The following RYR2 variants were observed in gnomAD, a reference collection of about 807,000 sequenced individuals.
RYR2 encodes the protein ryanodine receptor 2.
RYR2 carries 227 observed loss-of-function variants against 601.1 expected under a neutral mutation model. That is an observed-to-expected ratio of 0.38 (90% CI 0.34 to 0.42). The LOEUF (loss-of-function observed/expected upper bound fraction) is 0.42, where lower values mean the gene tolerates loss of function less well. Ranked by LOEUF, RYR2 falls within the 10% of genes least tolerant of loss-of-function variation. RYR2 has a pLI of 1.00. For synonymous variants in RYR2, 2,223 were observed against 2,175.1 expected (o/e 1.02, Z -0.61); for missense variants, 4,646 against 6,156.5 (o/e 0.75, Z 8.21).
At chr1:237,138,459 C>T (rs925898698) in intron 1 of RYR2, among the ~76,000 whole-genome samples, 1 of 152,092 alleles carries the variant, frequency 6.6e-6, no homozygotes, top group Non-Finnish European at 1.5e-5. Context: ...TTTTATTCTC[C>T]AGCTCAATCT....
At chr1:237,532,745 G>A (rs1668257251) in intron 25 of RYR2, among the ~76,000 whole-genome samples, 1 of 152,174 alleles carries the variant, frequency 6.6e-6, no homozygotes, top group Non-Finnish European at 1.5e-5. Flanking sequence ...GTGAGTGTGT[G>A]TGCATGTGTG....
chr1:237,349,919 G>C (rs1273385639), intron 3 of RYR2, among the ~76,000 whole-genome samples: 1 of 152,046 alleles, frequency 6.6e-6, no homozygotes, highest in African/African-American at 2.4e-5. Flanking sequence ...TCATAGCTGT[G>C]TAACTATACC....
At chr1:237,780,696 G>A (rs1459858457) in intron 88 of RYR2, among the ~76,000 whole-genome samples, 1 of 152,108 alleles carries the variant, frequency 6.6e-6, no homozygotes, top group Non-Finnish European at 1.5e-5. Flanking sequence ...GAGTAATACT[G>A]GAAAGCTTAA....
chr1:237,308,507 G>C (rs1208272054), intron 2 of RYR2, among the ~76,000 whole-genome samples: 2 of 152,148 alleles, frequency 1.3e-5, no homozygotes, highest in African/African-American at 4.8e-5. Flanking sequence ...GTGGGTTCTT[G>C]GTCTCAATGA....
intron 43 of RYR2, among the ~76,000 whole-genome samples, chr1:237,634,503 A>G (rs1680669748): frequency 6.6e-6 from 1 of 152,184 alleles, no homozygotes; most frequent in African/African-American, 2.4e-5. Flanking sequence ...AATTTCAGTT[A>G]GATAGAAGGA....
chr1:237,678,175 G>T (rs558330698), intron 61 of RYR2, 63 bp downstream of exon 61: 2 of 875,304 alleles, frequency 2.3e-6, no homozygotes, highest in African/African-American at 3.3e-5. Context: ...CTACTCATTA[G>T]ATCGTTGCCC....
At chr1:237,175,681 A>T (rs1677952291) in intron 1 of RYR2, among the ~76,000 whole-genome samples, 2 of 152,126 alleles carry the variant, frequency 1.3e-5, no homozygotes, top group African/African-American at 4.8e-5. Context: ...TTTGGAGCTT[A>T]AAGTATCTCT....
rs547116406 is a variant in RYR2 at position 237,383,830 on chromosome 1, A to G, written c.577-3451A>G. Among the ~76,000 whole-genome samples the G allele has an allele frequency of 5.4e-4, 82 of 152,262 alleles. 1 individual carries two copies. Among genetic ancestry groups the G allele is most frequent in the Non-Finnish European group, 6.0e-4 (41 of 68,014 alleles). The stretch of plus-strand genomic sequence containing the variant: ...GGATCAAAGTGAGACCCGGGTGCCC[A>G]GAGATTGGTGCCCAAAGCCCTTGTA... On this transcript the variant is annotated intron_variant, in intron 8 of 104. Coordinates refer to ENST00000366574, the MANE Select transcript of RYR2 (RefSeq NM_001035.3).
At chr1:237,672,297 T>A (rs1032706566) in intron 58 of RYR2, among the ~76,000 whole-genome samples, 1 of 152,156 alleles carries the variant, frequency 6.6e-6, no homozygotes, top group African/African-American at 2.4e-5. Context: ...TCTCCCCACT[T>A]CCCCCACAGT....
intron 16 of RYR2, among the ~76,000 whole-genome samples, chr1:237,462,807 G>C (rs1313353421): frequency 6.6e-6 from 1 of 152,086 alleles, no homozygotes; most frequent in Admixed American, 6.6e-5. Context: ...TGCACAGATC[G>C]GTGTTATTCT....
rs188779152 is a variant in RYR2 at position 237,270,326 on chromosome 1, G to C, written c.49-171G>C. Reference sequence around the variant, plus strand: ...TTGCCTTTTTGCAAATAAAAAGTACGTGAGGGATTGATTCCGTAGGGGTTT... The same window carrying C: ...TTGCCTTTTTGCAAATAAAAAGTACCTGAGGGATTGATTCCGTAGGGGTTT... On this transcript the variant is annotated intron_variant, in intron 1 of 104. Transcript: ENST00000366574. 12 of 926,002 alleles carry C rather than the reference G, an allele frequency of 1.3e-5. No homozygotes were observed. In the Admixed American group the frequency reaches 1.4e-4, roughly 11 times the overall value. The allele number at this position is 926,002 out of a possible 1,614,324, so 57.4% of individuals were successfully genotyped here.
intron 62 of RYR2, among the ~76,000 whole-genome samples, chr1:237,681,429 A>G (rs765656843): frequency 5.9e-5 from 9 of 152,298 alleles, no homozygotes; most frequent in Middle Eastern, 3.4e-3. Context: ...AGATTCCTGC[A>G]CTACGTAACA....
chr1:237,274,960 A>G (rs1272501457), intron 2 of RYR2, among the ~76,000 whole-genome samples: 3 of 151,952 alleles, frequency 2.0e-5, no homozygotes, highest in African/African-American at 7.3e-5. Flanking sequence ...GGTTTGTATT[A>G]CATACACTCC....
chr1:237,438,629 A>G (rs919365229), intron 12 of RYR2, among the ~76,000 whole-genome samples: 1 of 152,220 alleles, frequency 6.6e-6, no homozygotes, highest in African/African-American at 2.4e-5. Flanking sequence ...GATTTTGTAG[A>G]TAACTTTGTG....
chr1:237,358,470 C>A (rs1483205333), intron 4 of RYR2, among the ~76,000 whole-genome samples: 1 of 151,822 alleles, frequency 6.6e-6, no homozygotes, highest in African/African-American at 2.4e-5. Flanking sequence ...ATGCACTGGG[C>A]TTGCCAGGTT....
intron 98 of RYR2, among the ~76,000 whole-genome samples, chr1:237,804,539 A>G (rs1189526586): frequency 6.6e-6 from 1 of 152,136 alleles, no homozygotes; most frequent in Admixed American, 6.5e-5. Flanking sequence ...CTGTAGTCCC[A>G]TAAGTAAGAG....
chr1:237,068,172 G>GT (rs1452098371), intron 1 of RYR2, among the ~76,000 whole-genome samples: 13 of 149,828 alleles, frequency 8.7e-5, no homozygotes, highest in Non-Finnish European at 1.2e-4. Context: ...ACGTTTCGTT[G>GT]TTTTTTAAAA....
intron 1 of RYR2, among the ~76,000 whole-genome samples, chr1:237,190,450 G>T (rs1179941252): frequency 6.6e-6 from 1 of 152,066 alleles, no homozygotes; most frequent in Non-Finnish European, 1.5e-5. Flanking sequence ...CAAAATCAGG[G>T]TTTTTTGGTT....
chr1:237,157,322 G>A (rs372242573), intron 1 of RYR2, among the ~76,000 whole-genome samples: 819 of 95,752 alleles, frequency 8.6e-3, no homozygotes, highest in Middle Eastern at 0.013. Context: ...AAAAAAAAAA[G>A]AAAGAAAGAA....
Sources: gnomAD v4.1 joint callset for allele counts (sites outside exome capture counted in the v4.1 genomes callset) on GRCh38, gnomAD v4.1.1 for gene constraint, MANE v1.5 for transcripts, NCBI Gene and HGNC (gene_info 2026-07-23, HGNC 2026-07-21) for gene names.